The following ITIH4 variants were observed in gnomAD, a reference collection of about 807,000 sequenced individuals.
ITIH4 encodes inter-alpha-trypsin inhibitor heavy chain H4.
ITIH4 carries 79 observed loss-of-function variants against 111.8 expected under a neutral mutation model. That is an observed-to-expected ratio of 0.71 (90% CI 0.59 to 0.85). The LOEUF is 0.85. Ranked by LOEUF, ITIH4 falls within the 40% of genes least tolerant of loss-of-function variation. ITIH4 has a pLI of 0.00. For missense variants in ITIH4, 1,065 were observed against 1,195.8 expected (o/e 0.89, Z 1.61); for synonymous variants, 472 against 468.3 (o/e 1.01, Z -0.10).
In ITIH4 at chr3:52,823,647, C is replaced by T. The variant is rs757306717; in HGVS notation, c.1448G>A (p.Arg483Gln). The T allele has an allele frequency of 5.0e-5, 81 of 1,614,018 alleles. No individual in the cohort carries two copies. Among genetic ancestry groups the T allele is most frequent in the Admixed American group, 3.7e-4 (22 of 60,008 alleles). The change falls in exon 11 of 24, where the codon CGG (arginine) becomes CAG (glutamine). Residue 483 changes from arginine to glutamine, a missense_variant. Transcript: ENST00000266041. ...CATCTCTGAGCCCTTGAAGAGGAGC[C>T]GGAAGTTGTTCTGAGTGACCTCCTC... Reference protein sequence around the residue: ...AVEEVTQNNFRLLFKGSEMVV... With the variant: ...AVEEVTQNNFQLLFKGSEMVV...
In ITIH4 at chr3:52,824,241, C is replaced by A. The variant is rs147563935; in HGVS notation, c.1120G>T (p.Glu374Ter). ...AGGATGATGAGTGAGACACTCCCTT[C>A]GGGCAGCCGCTCCTCCTGGTTGCTG... ...DSSNQEERLPEGSVSLIILLT... is the reference protein window; with the variant it reads ...DSSNQEERLP Residue 374 changes from glutamate (E) to a stop codon, truncating the protein, a stop_gained, in exon 9 of 24, where the codon GAA (glutamate) becomes TAA (stop). Coordinates refer to ENST00000266041, the MANE Select transcript of ITIH4 (RefSeq NM_002218.5). LOFTEE classifies it high-confidence loss of function. The surrounding 1 kb of genome is among the most constrained non-coding windows in gnomAD (Gnocchi z 4.3). 1 of 1,613,330 alleles carries A rather than the reference C, an allele frequency of 6.2e-7. No individual in the cohort carries two copies. Among genetic ancestry groups the A allele is most frequent in the African/African-American group, 1.3e-5 (1 of 74,922 alleles).
chr3:52,814,503 C>G, intron 21 of ITIH4, 140 bp from the exon 22 acceptor site: 1 of 673,734 alleles, frequency 1.5e-6, no homozygotes, highest in South Asian at 2.0e-5. Context: ...GCCCTTAAAT[C>G]TTCTGATTTC....
Position 52,820,934 on chromosome 3 carries a change from C to T in ITIH4, c.1679+57G>A, listed in dbSNP as rs907679501. ...CTCTCTCCATGCTTAGGCGCTGTAC[C>T]GTGCCACCTGTGCCTGCCCCCTAGC... On this transcript the variant is annotated intron_variant, in intron 12 of 23. Transcript: ENST00000266041. 34 of 1,592,616 alleles carry T rather than the reference C, an allele frequency of 2.1e-5. No individual in the cohort carries two copies. The African/African-American group carries it at 2.1e-4, about 10-fold the overall frequency.
chr3:52,828,920 T>G (rs1409304218), intron 2 of ITIH4, among the ~76,000 whole-genome samples, 199 bp downstream of exon 2: 1 of 152,134 alleles, frequency 6.6e-6, no homozygotes, highest in East Asian at 1.9e-4. Flanking sequence ...AATGGCTGGA[T>G]GGAGGGAAGG....
intron 21 of ITIH4, 108 bp downstream of exon 21, chr3:52,816,767 TGTGAGTGTA>T (rs1700283492): frequency 1.0e-6 from 1 of 975,026 alleles, no homozygotes; most frequent in African/African-American, 1.6e-5. Flanking sequence ...TTGCCCCTCC[TGTGAGTGTA>T]GCTGCTCCAT....
intron 1 of ITIH4, 90 bp downstream of exon 1, chr3:52,830,463 C>T: frequency 1.6e-6 from 2 of 1,256,156 alleles, no homozygotes; most frequent in Non-Finnish European, 2.3e-6. Flanking sequence ...CGCACTTGTG[C>T]TGACACGCTG....
chr3:52,813,368 A>G lies in ITIH4; in HGVS notation c.*53T>C. 1 of 1,504,166 alleles carries G rather than the reference A, an allele frequency of 6.6e-7. No individual in the cohort carries two copies. The allele number at this position is 1,504,166 out of a possible 1,614,324, so 93.2% of individuals were successfully genotyped here. On this transcript the variant is annotated 3_prime_UTR_variant, in exon 24 of 24. Transcript: ENST00000266041. ...GTCCAGGCCCCAGAAGCGGCCCTGCAGTTGCAGGGGGAAGCCAAGTGTACA... is the reference window on the plus strand; with the variant it reads ...GTCCAGGCCCCAGAAGCGGCCCTGCGGTTGCAGGGGGAAGCCAAGTGTACA...
Position 52,823,691 on chromosome 3 carries a change from C to T in ITIH4, c.1404G>A (p.Glu468=). 1 of 1,614,152 alleles carries T rather than the reference C, an allele frequency of 6.2e-7. No individual in the cohort carries two copies. The highest frequency in any genetic ancestry group is 8.5e-7 in the Non-Finnish European group (1 of 1,180,032). The change falls in exon 11 of 24, where the codon GAG becomes GAA. Residue 468 remains glutamate (E), a synonymous_variant. Transcript: ENST00000266041. ...ANPLLTAVTF[E]YPSNAVEEVT... ...CCTCCTCCACGGCATTGCTTGGGTA[C>T]TCGAAGGTCACTGCTGTCAGCAGTG...
At chr3:52,830,451 C>T in intron 1 of ITIH4, 102 bp downstream of exon 1, 2 of 1,126,776 alleles carry the variant, frequency 1.8e-6, no homozygotes, top group East Asian at 2.4e-5. Context: ...CAGGGATGCA[C>T]ACGCACTTGT....
In ITIH4 at chr3:52,813,485, C is replaced by A; in HGVS notation, c.2729G>T (p.Arg910Leu). ...GGGCCCCTCCTGGTAATCCAGCCTGCGCTCTCTGAAATGGAAAGACAGACA... is the reference window on the plus strand; with the variant it reads ...GGGCCCCTCCTGGTAATCCAGCCTGAGCTCTCTGAAATGGAAAGACAGACA... ...QGNDHSATRERRLDYQEGPPG... is the reference protein window; with the variant it reads ...QGNDHSATRELRLDYQEGPPG... The change falls in exon 24 of 24, where the codon CGC (arginine) becomes CTC (leucine). Residue 910 changes from arginine (R) to leucine (L), a missense_variant. Physicochemically the swap from Arg to Leu is moderately radical, Grantham distance 102 (BLOSUM62 -2). Coordinates refer to ENST00000266041, the MANE Select transcript of ITIH4 (RefSeq NM_002218.5). 6.2e-7 allele frequency: 1 copy of A among 1,613,846 alleles called. No homozygotes were observed. Among genetic ancestry groups the A allele is most frequent in the Non-Finnish European group, 8.5e-7 (1 of 1,179,794 alleles).
In ITIH4 at chr3:52,819,415, G is replaced by C. The variant is rs1216164524; in HGVS notation, c.2055C>G (p.His685Gln). 1 of 1,614,126 alleles carries C rather than the reference G, an allele frequency of 6.2e-7. No homozygotes were observed. The highest frequency in any genetic ancestry group is 1.3e-5 in the African/African-American group (1 of 75,068). Residue 685 changes from histidine to glutamine, a missense_variant, in exon 17 of 24, where the codon CAC becomes CAG. Coordinates refer to ENST00000266041, the MANE Select transcript of ITIH4 (RefSeq NM_002218.5). ...TACAGATGGCCAGACGGCGGAAGGGGTGGTAAGCAGCATGGTCAGGAACAT... is the reference window on the plus strand; with the variant it reads ...TACAGATGGCCAGACGGCGGAAGGGCTGGTAAGCAGCATGGTCAGGAACAT... ...PPDVPDHAAY[H>Q]PFRRLAILPA...
chr3:52,814,049 G>A lies in ITIH4; in HGVS notation c.2649C>T (p.Leu883=). Residue 883 remains leucine (L), a synonymous_variant, in exon 23 of 24, where the codon CTC becomes CTT. Transcript: ENST00000266041. ...CATCTGATGCTGCTGGAGATCCCCA[G>A]AGCACCTCCTGGTAAAACTGGCCTG... ...GTLGQFYQEV[L]WGSPAASDDG... The A allele has an allele frequency of 2.5e-6, 4 of 1,613,882 alleles. No individual in the cohort carries two copies. The highest frequency in any genetic ancestry group is 1.7e-6 in the Non-Finnish European group (2 of 1,179,924).
chr3:52,830,321 T>C, intron 1 of ITIH4: 1 of 620,462 alleles, frequency 1.6e-6, no homozygotes, highest in Non-Finnish European at 3.0e-6. Context: ...CTTGTAAAAC[T>C]GTATTTCCTC....
intron 16 of ITIH4, 43 bp downstream of exon 16, chr3:52,819,711 C>A (rs150216819): frequency 2.8e-5 from 45 of 1,605,408 alleles, no homozygotes; most frequent in Non-Finnish European, 3.8e-5. Context: ...AAGCTCCCCC[C>A]CAGGGATGTC....
chr3:52,824,203 G>T lies in ITIH4; in HGVS notation c.1158C>A (p.Gly386=). 6.2e-7 allele frequency: 1 copy of T among 1,613,308 alleles called. No homozygotes were observed. Among genetic ancestry groups the T allele is most frequent in the Non-Finnish European group, 8.5e-7 (1 of 1,179,982 alleles). The change falls in exon 9 of 24, where the codon GGC becomes GGA. Residue 386 remains glycine (G), a synonymous_variant. Coordinates refer to ENST00000266041, the MANE Select transcript of ITIH4 (RefSeq NM_002218.5). The surrounding 1 kb of genome is among the most constrained non-coding windows in gnomAD (Gnocchi z 4.3). ...CAGGGCCCTCACCCACAGTGGGGTC[G>T]CCATCGGTGAGCAGGATGATGAGTG... The part of the protein sequence containing the change: ...SVSLIILLTD[G]DPTVGETNPR...
chr3:52,827,211 G>A lies in ITIH4; in HGVS notation c.252-14C>T. The stretch of plus-strand genomic sequence containing the variant: ...CCATCGATGATCCTGGGGGCAGAAG[G>A]GTGGGAGTTGTTGAGAGCCTGGTGG... On this transcript the variant is annotated splice_polypyrimidine_tract_variant and intron_variant, in intron 2 of 23. Transcript: ENST00000266041. 1.2e-6 allele frequency: 2 copies of A among 1,605,358 alleles called. No individual in the cohort carries two copies. The highest frequency in any genetic ancestry group is 1.7e-5 in the Admixed American group (1 of 60,006).
intron 5 of ITIH4, 128 bp from the exon 6 acceptor site, chr3:52,826,142 C>A (rs2154111620): frequency 1.5e-6 from 2 of 1,322,880 alleles, no homozygotes; most frequent in East Asian, 5.0e-5. Context: ...TTCCAGGGCA[C>A]TTTCTTTCAG....
rs190539233 is a variant in ITIH4 at position 52,823,364 on chromosome 3, C to T, written c.1539+192G>A. 260 of 594,462 alleles carry T rather than the reference C, an allele frequency of 4.4e-4. 1 individual carries two copies. The highest frequency in any genetic ancestry group is 4.0e-3 in the African/African-American group (218 of 53,894). 36.8% of individuals were successfully genotyped at this position (594,462 alleles called of 1,614,324 possible). On this transcript the variant is annotated intron_variant, in intron 11 of 23. Transcript: ENST00000266041. ...GCTTGCAGGTGCACAGACCGGCTGC[C>T]GAGAGCCTGTATGTGCTGGTCTCAT...
rs2071042 is a variant in ITIH4 at position 52,830,568 on chromosome 3, A to G, written c.75T>C (p.Thr25=). Residue 25 remains threonine, a synonymous_variant, in exon 1 of 24, where the codon ACT becomes ACC. Transcript: ENST00000266041. ...CACTGGCTACCTTTTCGGCAGTAGTAGTCTGGTGGATGGCCAGCAGTGAAA... is the reference window on the plus strand; with the variant it reads ...CACTGGCTACCTTTTCGGCAGTAGTGGTCTGGTGGATGGCCAGCAGTGAAA... The part of the protein sequence containing the change: ...VLLSLLAIHQ[T]TTAEKNGIDI... The G allele has an allele frequency of 0.41, 655,572 of 1,613,314 alleles. 137,822 individuals are homozygous for G. Among genetic ancestry groups the G allele is most frequent in the African/African-American group, 0.67 (50,071 of 74,972 alleles).
Sources: allele counts gnomAD v4.1 joint callset (sites outside exome capture counted in the v4.1 genomes callset), GRCh38; gene constraint gnomAD v4.1.1; non-coding constraint Gnocchi (gnomAD v3.1); transcripts MANE v1.5; gene names NCBI Gene and HGNC (gene_info 2026-07-23, HGNC 2026-07-21).